The following KLF13 variants were observed in gnomAD, a reference collection of about 807,000 sequenced individuals.
KLF13 encodes the protein Krueppel-like factor 13.
A neutral mutation model predicts 16.7 loss-of-function variants in KLF13; 8 were observed. The observed-to-expected ratio is 0.48, with a 90% CI of 0.28 to 0.87. The LOEUF is 0.87. Among genes scored for constraint, KLF13 ranks in the 40% least tolerant of loss-of-function variants. KLF13 has a pLI of 0.10. For missense variants in KLF13, 447 were observed against 452.2 expected, an observed-to-expected ratio of 0.99 and a Z score of 0.10; for synonymous variants, 245 against 208.4, an observed-to-expected ratio of 1.18 and a Z score of -1.51.
At chr15:31,330,835 G>A (rs1431897798) in intron 1 of KLF13, among the ~76,000 whole-genome samples, 1 of 152,236 alleles carries the variant, frequency 6.6e-6, no homozygotes, top group Non-Finnish European at 1.5e-5. Flanking sequence ...TGGCCAATTA[G>A]AACTTCCGAG....
chr15:31,434,468 G>C (rs1403479503), intron 1 of KLF13, among the ~76,000 whole-genome samples: 2 of 152,182 alleles, frequency 1.3e-5, no homozygotes, highest in Admixed American at 1.3e-4. Context: ...CTTGCCCCCA[G>C]TTGAGCCAGA....
chr15:31,402,737 C>T (rs1399626072), intron 2 of KLF13, among the ~76,000 whole-genome samples: 3 of 152,162 alleles, frequency 2.0e-5, no homozygotes, highest in Non-Finnish European at 2.9e-5. Context: ...CTCAGTTCTG[C>T]GGCTCATTAG....
intron 1 of KLF13, among the ~76,000 whole-genome samples, chr15:31,414,390 G>A (rs903739640): frequency 6.6e-6 from 1 of 152,112 alleles, no homozygotes; most frequent in Admixed American, 6.5e-5. Flanking sequence ...TCAAATGCGA[G>A]AGCGAATTAA....
intron 1 of KLF13, among the ~76,000 whole-genome samples, chr15:31,363,371 C>T (rs1471820407): frequency 6.6e-6 from 1 of 152,162 alleles, no homozygotes; most frequent in African/African-American, 2.4e-5. Context: ...GGAGATTAGC[C>T]GTTTGTGATA....
chr15:31,365,918 G>A (rs944051681), intron 1 of KLF13, among the ~76,000 whole-genome samples: 9 of 152,046 alleles, frequency 5.9e-5, no homozygotes, highest in Non-Finnish European at 8.8e-5. Context: ...GAGAGAACAC[G>A]TTGTCCCCGC....
chr15:31,389,336 C>T (rs1380267827), upstream of KLF13, among the ~76,000 whole-genome samples: 2 of 152,190 alleles, frequency 1.3e-5, no homozygotes, highest in African/African-American at 4.8e-5. Context: ...ATCAGCAAGG[C>T]TTCTTCTCGT....
At chr15:31,431,665 C>T (rs181729228) in intron 1 of KLF13, among the ~76,000 whole-genome samples, 32 of 152,234 alleles carry the variant, frequency 2.1e-4, no homozygotes, top group Non-Finnish European at 1.9e-4. Context: ...GGGTTTTCAC[C>T]GTGTTAGCCA....
At chr15:31,336,236 C>T (rs753052086) in intron 1 of KLF13, among the ~76,000 whole-genome samples, 3 of 152,202 alleles carry the variant, frequency 2.0e-5, no homozygotes, top group Non-Finnish European at 2.9e-5. Flanking sequence ...GGTCTGGCCT[C>T]GTTGGGGGAC....
Position 31,375,272 on chromosome 15 carries a change from G to A in KLF13, c.*2973G>A, listed in dbSNP as rs535787052. ...CATGAAGTGAGGGACTCCTGTGGAAGAGGGTGGTGGGCCTTGGAACGCTGC... is the reference window on the plus strand; with the variant it reads ...CATGAAGTGAGGGACTCCTGTGGAAAAGGGTGGTGGGCCTTGGAACGCTGC... On this transcript the variant is annotated 3_prime_UTR_variant, in exon 2 of 2. Transcript: ENST00000307145. 6.6e-6 allele frequency: 1 copy of A among 152,392 alleles called. No homozygotes were observed. The highest frequency in any genetic ancestry group is 2.1e-4 in the South Asian group (1 of 4,828). 9.4% of individuals were successfully genotyped at this position (152,392 alleles called of 1,614,324 possible). A position where few individuals can be genotyped will look rare whatever the true frequency, so the allele number is the denominator to read the frequency against.
At chr15:31,431,188 A>T (rs1262186471) in intron 1 of KLF13, among the ~76,000 whole-genome samples, 1 of 152,180 alleles carries the variant, frequency 6.6e-6, no homozygotes. Context: ...ATGGCAGTCT[A>T]CAACCTGGAA....
At chr15:31,341,599 C>T (rs937382427) in intron 1 of KLF13, among the ~76,000 whole-genome samples, 12 of 139,988 alleles carry the variant, frequency 8.6e-5, no homozygotes, top group Non-Finnish European at 1.5e-5. Context: ...TGCAGTGGTG[C>T]GATCATGGCT....
intron 1 of KLF13, among the ~76,000 whole-genome samples, chr15:31,350,185 G>A (rs1012343322): frequency 2.0e-5 from 3 of 152,252 alleles, no homozygotes; most frequent in Non-Finnish European, 4.4e-5. Flanking sequence ...AGCAGCCAGG[G>A]TCTGCCGCAG....
At chr15:31,390,484 G>A (rs1309249019), upstream of KLF13, among the ~76,000 whole-genome samples, 1 of 152,196 alleles carries the variant, frequency 6.6e-6, no homozygotes, top group African/African-American at 2.4e-5. Context: ...ATGGGGATCT[G>A]ATGCACTGCA....
At chr15:31,331,694 C>G (rs929118269) in intron 1 of KLF13, among the ~76,000 whole-genome samples, 2 of 152,194 alleles carry the variant, frequency 1.3e-5, no homozygotes, top group Admixed American at 1.3e-4. Context: ...CCTCGCTGTC[C>G]CAGGCTGCCA....
In KLF13 at chr15:31,327,532, C is replaced by T. The variant is rs1203878396; in HGVS notation, c.320C>T (p.Ser107Phe). ...RLPPPAPEPT[S>F]PGAEGAAAAP... ...CCGCCGCCCGCCCCCGAGCCCACCT[C>T]CCCCGGCGCCGAAGGCGCGGCGGCC... The change falls in exon 1 of 2, where the codon TCC becomes TTC. Residue 107 changes from serine to phenylalanine, a missense_variant. Physicochemically the swap from Ser to Phe is radical, Grantham distance 155 (BLOSUM62 -2). Coordinates refer to ENST00000307145, the MANE Select transcript of KLF13 (RefSeq NM_015995.4). 6.3e-6 allele frequency: 7 copies of T among 1,111,490 alleles called. No homozygotes were observed. The highest frequency in any genetic ancestry group is 5.1e-5 in the Admixed American group (1 of 19,704). 68.9% of individuals were successfully genotyped at this position (1,111,490 alleles called of 1,614,324 possible).
rs114989808 is a variant in KLF13, at chr15:31,355,691, G to A, written c.578-16319G>A. The stretch of plus-strand genomic sequence containing the variant: ...GTGATAATTGGATATTTAGGATGGA[G>A]CCAGCATGCGGTATTTTGGGGGATC... On this transcript the variant is annotated intron_variant, in intron 1 of 1. Transcript: ENST00000307145. Among the ~76,000 whole-genome samples, 404 of 152,292 alleles carry A rather than the reference G, an allele frequency of 2.7e-3. 1 individual carries two copies. Among genetic ancestry groups the A allele is most frequent in the African/African-American group, 9.3e-3 (388 of 41,546 alleles).
chr15:31,365,884 C>T lies in KLF13; in HGVS notation c.578-6126C>T, dbSNP rs145243690. ...TCAGCTGAAGGAGAGAGAGCCCCTG[C>T]GCCCCCCTTCCGGCTGGCTCTCTGA... On this transcript the variant is annotated intron_variant, in intron 1 of 1. Coordinates refer to ENST00000307145, the MANE Select transcript of KLF13 (RefSeq NM_015995.4). 5.0e-3 allele frequency among the ~76,000 whole-genome samples: 762 copies of T among 152,248 alleles called. 5 individuals are homozygous for T. The highest frequency in any genetic ancestry group is 0.018 in the South Asian group (87 of 4,816).
intron 2 of KLF13, among the ~76,000 whole-genome samples, chr15:31,402,556 G>GC (rs2040052612): frequency 6.6e-6 from 1 of 152,256 alleles, no homozygotes; most frequent in African/African-American, 2.4e-5. Flanking sequence ...CCGCTCTGGT[G>GC]CAGGGTCTCG....
rs555409393 is a variant in KLF13, at chr15:31,329,966, G to A, written c.577+2177G>A. ...GGGAGTGCATGTTACCGGTACCCCA[G>A]GTGACCCATTATGAGAGTTGAACTG... is the stretch of plus-strand genomic sequence containing the variant. On this transcript the variant is annotated intron_variant, in intron 1 of 1. Coordinates refer to ENST00000307145, the MANE Select transcript of KLF13 (RefSeq NM_015995.4). 2.0e-5 allele frequency among the ~76,000 whole-genome samples: 3 copies of A among 152,288 alleles called. No homozygotes were observed. In the East Asian group the frequency reaches 5.8e-4, roughly 29 times the overall value.
Sources: allele counts gnomAD v4.1 joint callset (sites outside exome capture counted in the v4.1 genomes callset), GRCh38; gene constraint gnomAD v4.1.1; transcripts MANE v1.5; gene names NCBI Gene and HGNC (gene_info 2026-07-23, HGNC 2026-07-21).